PDE4D: variants seen among roughly 807,000 people sequenced by gnomAD.
PDE4D encodes the protein 3',5'-cyclic-AMP phosphodiesterase 4D.
A neutral mutation model predicts 87.4 loss-of-function variants in PDE4D; 24 were observed. The observed-to-expected ratio is 0.27, with a 90% confidence interval of 0.20 to 0.39. The LOEUF (loss-of-function observed/expected upper bound fraction) is 0.39, where lower values mean the gene tolerates loss of function less well. Among genes scored for constraint, PDE4D ranks in the 10% least tolerant of loss-of-function variants. The pLI is 1.00. For missense variants in PDE4D, 714 were observed against 1,041.0 expected (o/e 0.69, Z 4.32); for synonymous variants, 384 against 383.2 (o/e 1.00, Z -0.02).
At chr5:60,424,076 C>A (rs181211376) in intron 1 of PDE4D, among the ~76,000 whole-genome samples, 1 of 152,034 alleles carries the variant, frequency 6.6e-6, no homozygotes, top group East Asian at 1.9e-4. Context: ...GTCCAGGACC[C>A]GATGGATTCA....
chr5:59,541,375 C>A (rs1816320630), intron 1 of PDE4D, among the ~76,000 whole-genome samples: 1 of 152,184 alleles, frequency 6.6e-6, no homozygotes, highest in East Asian at 1.9e-4. Flanking sequence ...CAGAAGATAT[C>A]TTTTTAGAAT....
intron 1 of PDE4D, among the ~76,000 whole-genome samples, chr5:59,487,520 G>A (rs752608921): frequency 9.2e-5 from 14 of 152,100 alleles, no homozygotes; most frequent in Non-Finnish European, 2.1e-4. Context: ...TGGGTCAGAC[G>A]ATGCTATCAG....
At chr5:60,202,064 T>C (rs945465877) in intron 1 of PDE4D, among the ~76,000 whole-genome samples, 2 of 152,226 alleles carry the variant, frequency 1.3e-5, no homozygotes, top group Non-Finnish European at 1.5e-5. Context: ...AGAAAATATA[T>C]GTGAACGTTT....
At chr5:59,819,268 A>G (rs544110565) in intron 1 of PDE4D, among the ~76,000 whole-genome samples, 4 of 152,090 alleles carry the variant, frequency 2.6e-5, no homozygotes, top group South Asian at 2.1e-4. Flanking sequence ...TTTTATTTTG[A>G]GTATTCTCGC....
chr5:59,367,458 A>G (rs1202352207), intron 1 of PDE4D, among the ~76,000 whole-genome samples: 1 of 152,214 alleles, frequency 6.6e-6, no homozygotes, highest in Non-Finnish European at 1.5e-5. Context: ...TAAATGAAAT[A>G]CATGTTATTA....
At chr5:60,015,675 G>A (rs1251563046) in intron 2 of PDE4D, among the ~76,000 whole-genome samples, 1 of 152,076 alleles carries the variant, frequency 6.6e-6, no homozygotes, top group Non-Finnish European at 1.5e-5. Context: ...GTAAAATAGA[G>A]TACCCTCCAT....
chr5:59,204,347 CTTTA>C (rs979596492), intron 2 of PDE4D, among the ~76,000 whole-genome samples: 5 of 152,134 alleles, frequency 3.3e-5, no homozygotes, highest in Non-Finnish European at 7.3e-5. Context: ...AATGGAATCT[CTTTA>C]TTTGTCATGA....
chr5:59,615,770 T>C (rs1829581276), intron 1 of PDE4D, among the ~76,000 whole-genome samples: 1 of 152,208 alleles, frequency 6.6e-6, no homozygotes. Context: ...AAATTCTTTA[T>C]ACTGCCTACC....
At chr5:59,368,628 C>G (rs1327174010) in intron 1 of PDE4D, among the ~76,000 whole-genome samples, 2 of 152,148 alleles carry the variant, frequency 1.3e-5, no homozygotes, top group African/African-American at 4.8e-5. Context: ...ATTTTGGATA[C>G]TTCTTGCAAA....
chr5:59,762,774 T>C (rs1762289130), intron 1 of PDE4D, among the ~76,000 whole-genome samples: 1 of 146,588 alleles, frequency 6.8e-6, no homozygotes, highest in South Asian at 2.1e-4. Flanking sequence ...TATATATGTA[T>C]ATATACACAC....
At chr5:59,461,472 T>C (rs563655523) in intron 1 of PDE4D, among the ~76,000 whole-genome samples, 1 of 152,268 alleles carries the variant, frequency 6.6e-6, no homozygotes, top group South Asian at 2.1e-4. Flanking sequence ...AGGGACACTA[T>C]AAAACACAGT....
intron 1 of PDE4D, among the ~76,000 whole-genome samples, chr5:59,855,578 A>G (rs1280852446): frequency 6.6e-6 from 1 of 152,152 alleles, no homozygotes; most frequent in Non-Finnish European, 1.5e-5. Flanking sequence ...CATATTTAAT[A>G]ATCTACCCAT....
At chr5:60,203,381 G>A (rs1365191817) in intron 1 of PDE4D, among the ~76,000 whole-genome samples, 2 of 152,180 alleles carry the variant, frequency 1.3e-5, no homozygotes, top group Non-Finnish European at 2.9e-5. Context: ...ATATACAGGT[G>A]TTTATTGTAA....
intron 1 of PDE4D, among the ~76,000 whole-genome samples, chr5:59,475,302 A>G (rs558999734): frequency 7.2e-5 from 11 of 152,218 alleles, no homozygotes; most frequent in African/African-American, 2.6e-4. Context: ...GAGAAGACAT[A>G]TAGCTTTATT....
intron 1 of PDE4D, among the ~76,000 whole-genome samples, chr5:60,409,859 T>A (rs1050563925): frequency 2.3e-4 from 34 of 149,790 alleles, no homozygotes; most frequent in Admixed American, 2.3e-3. Flanking sequence ...GTCATCTCTC[T>A]TTCTCATCCC....
At chr5:59,777,123 G>A (rs1368133552) in intron 1 of PDE4D, among the ~76,000 whole-genome samples, 1 of 152,150 alleles carries the variant, frequency 6.6e-6, no homozygotes, top group Non-Finnish European at 1.5e-5. Flanking sequence ...ATTTTCTGGA[G>A]TGCGTTCTTT....
chr5:59,422,525 T>C (rs1216510957), intron 1 of PDE4D, among the ~76,000 whole-genome samples: 1 of 152,184 alleles, frequency 6.6e-6, no homozygotes, highest in Non-Finnish European at 1.5e-5. Flanking sequence ...CGATAAAAGG[T>C]GATAACAGAA....
intron 1 of PDE4D, among the ~76,000 whole-genome samples, chr5:59,802,791 G>A (rs1195000423): frequency 1.3e-5 from 2 of 152,130 alleles, no homozygotes; most frequent in Non-Finnish European, 2.9e-5. Context: ...GGGCTATAAG[G>A]ATGAAATCAA....
intron 1 of PDE4D, among the ~76,000 whole-genome samples, chr5:59,452,019 C>A (rs1799239399): frequency 6.6e-6 from 1 of 152,160 alleles, no homozygotes. Context: ...GAATGTGGCC[C>A]AACACAAACT....
Sources: gnomAD v4.1 joint callset for allele counts (sites outside exome capture counted in the v4.1 genomes callset) on GRCh38, gnomAD v4.1.1 for gene constraint, MANE v1.5 for transcripts, NCBI Gene and HGNC (gene_info 2026-07-23, HGNC 2026-07-21) for gene names.